SORCS2: variants seen among roughly 807,000 people sequenced by gnomAD.
SORCS2 encodes VPS10 domain-containing receptor SorCS2.
SORCS2 carries 100 observed loss-of-function variants against 141.6 expected under a neutral mutation model. The observed-to-expected ratio is 0.71, with a 90% CI of 0.60 to 0.83. The LOEUF (loss-of-function observed/expected upper bound fraction) is 0.83, where lower values mean the gene tolerates loss of function less well. SORCS2 is among the 40% of genes least tolerant of loss of function. The probability of loss-of-function intolerance (pLI) is 0.00; values close to 1 mark genes in which losing one functional copy is unlikely to be tolerated. For missense variants in SORCS2, 1,646 were observed against 1,560.2 expected, an observed-to-expected ratio of 1.05 and a Z score of -0.93; for synonymous variants, 789 against 676.9, an observed-to-expected ratio of 1.17 and a Z score of -2.57.
intron 2 of SORCS2, among the ~76,000 whole-genome samples, chr4:7,451,183 C>T (rs750675833): frequency 4.6e-5 from 7 of 151,996 alleles, no homozygotes; most frequent in South Asian, 4.2e-4. Flanking sequence ...TGAATAAATG[C>T]GTGAATGAAT....
chr4:7,637,360 T>C (rs994414975), intron 3 of SORCS2, among the ~76,000 whole-genome samples: 1 of 152,182 alleles, frequency 6.6e-6, no homozygotes, highest in Non-Finnish European at 1.5e-5. Context: ...CGTTCTCCTC[T>C]GCTGAAGGTA....
At chr4:7,503,354 A>G (rs189606544) in intron 2 of SORCS2, among the ~76,000 whole-genome samples, 1 of 152,332 alleles carries the variant, frequency 6.6e-6, no homozygotes, top group African/African-American at 2.4e-5. Flanking sequence ...TTTGTCTCCC[A>G]GAAGTTTGAG....
At chr4:7,642,987 A>G (rs994862816) in intron 4 of SORCS2, among the ~76,000 whole-genome samples, 1 of 152,168 alleles carries the variant, frequency 6.6e-6, no homozygotes, top group Admixed American at 6.5e-5. Flanking sequence ...AGTGGACACA[A>G]TTGCCCTGCT....
intron 5 of SORCS2, among the ~76,000 whole-genome samples, chr4:7,658,402 G>T (rs115095910): frequency 1.4e-4 from 22 of 152,296 alleles, no homozygotes; most frequent in Admixed American, 3.9e-4. Context: ...GATGATGGAT[G>T]ATGAGGCTAA....
chr4:7,600,014 G>C (rs10012331), intron 3 of SORCS2, among the ~76,000 whole-genome samples: 3,278 of 151,902 alleles, frequency 0.022, 134 homozygotes, highest in African/African-American at 0.074. Context: ...TAGAGACAGG[G>C]TTTCATCATG....
intron 3 of SORCS2, among the ~76,000 whole-genome samples, chr4:7,536,394 A>G (rs1712127821): frequency 6.6e-6 from 1 of 152,252 alleles, no homozygotes; most frequent in South Asian, 2.1e-4. Context: ...TAGATGCTGA[A>G]AAGCCATAGT....
chr4:7,446,825 G>T (rs957382129), intron 2 of SORCS2, among the ~76,000 whole-genome samples: 2 of 152,242 alleles, frequency 1.3e-5, no homozygotes, highest in African/African-American at 4.8e-5. Context: ...GATAGGACCT[G>T]TGTCCTTCCT....
chr4:7,625,395 G>C (rs1413978689), intron 3 of SORCS2, among the ~76,000 whole-genome samples: 1 of 152,082 alleles, frequency 6.6e-6, no homozygotes, highest in Non-Finnish European at 1.5e-5. Context: ...GTAAAAGAGA[G>C]ACAAGAACAT....
chr4:7,531,775 C>T, intron 3 of SORCS2, 146 bp downstream of exon 3: 1 of 778,116 alleles, frequency 1.3e-6, no homozygotes, highest in South Asian at 1.7e-5. Flanking sequence ...GCTCTCACTG[C>T]CACCCTTCCC....
intron 2 of SORCS2, among the ~76,000 whole-genome samples, chr4:7,459,144 G>A (rs1729126522): frequency 6.6e-6 from 1 of 152,112 alleles, no homozygotes; most frequent in South Asian, 2.1e-4. Flanking sequence ...AGACCGTGTG[G>A]CTTTGGACTC....
intron 3 of SORCS2, among the ~76,000 whole-genome samples, chr4:7,591,653 G>A (rs1260860229): frequency 6.6e-6 from 1 of 152,226 alleles, no homozygotes; most frequent in Non-Finnish European, 1.5e-5. Flanking sequence ...CGGCTCACGA[G>A]GATTAACGAT....
At chr4:7,485,963 G>A (rs1351026107) in intron 2 of SORCS2, among the ~76,000 whole-genome samples, 1 of 152,182 alleles carries the variant, frequency 6.6e-6, no homozygotes, top group Admixed American at 6.5e-5. Context: ...CGGGCTGGGG[G>A]CACCCCATGC....
At position 7,638,427 on chromosome 4, in the gene SORCS2, G is replaced by C. The variant is rs779008169; in HGVS notation, c.748G>C (p.Val250Leu). 6.2e-7 allele frequency: 1 copy of C among 1,606,058 alleles called. No individual in the cohort carries two copies. The highest frequency in any genetic ancestry group is 8.5e-7 in the Non-Finnish European group (1 of 1,176,832). ...TFQKQPIPFF[V>L]ETLIFHPKEE... The stretch of plus-strand genomic sequence containing the variant: ...TCAGAAGCAGCCCATTCCCTTCTTC[G>C]TGGAAACTCTGATTTTCCACCCTAA... The change falls in exon 4 of 27, where the codon GTG (valine) becomes CTG (leucine). Residue 250 changes from valine to leucine, a missense_variant. Transcript: ENST00000507866.
chr4:7,710,608 G>A (rs912973780), intron 14 of SORCS2, among the ~76,000 whole-genome samples: 3 of 152,340 alleles, frequency 2.0e-5, no homozygotes, highest in Non-Finnish European at 4.4e-5. Flanking sequence ...CCAGTGTGTT[G>A]AGTTGGGGCT....
At chr4:7,708,841 C>G (rs1163346791) in intron 14 of SORCS2, among the ~76,000 whole-genome samples, 1 of 152,212 alleles carries the variant, frequency 6.6e-6, no homozygotes, top group Non-Finnish European at 1.5e-5. Context: ...GATGGGGACC[C>G]TGGGAGCCTG....
intron 2 of SORCS2, among the ~76,000 whole-genome samples, chr4:7,440,622 G>T (rs77375122): frequency 0.021 from 3,251 of 152,300 alleles, 89 homozygotes; most frequent in African/African-American, 0.074. Context: ...GAACTTGGGG[G>T]CCTAGACAGC....
At chr4:7,609,141 G>C (rs1033639656) in intron 3 of SORCS2, among the ~76,000 whole-genome samples, 2 of 152,148 alleles carry the variant, frequency 1.3e-5, no homozygotes, top group South Asian at 2.1e-4. Flanking sequence ...CTCACTGGCT[G>C]TGTGGGCTTG....
chr4:7,313,812 G>A (rs1184442363), intron 1 of SORCS2, among the ~76,000 whole-genome samples: 1 of 152,152 alleles, frequency 6.6e-6, no homozygotes, highest in Non-Finnish European at 1.5e-5. Flanking sequence ...CCCCTGTGCT[G>A]TGAGATCAAA....
chr4:7,433,382 T>C (rs1264593084), intron 2 of SORCS2: 1 of 1,491,774 alleles, frequency 6.7e-7, no homozygotes, highest in East Asian at 2.3e-5. Flanking sequence ...TGCACAGCGT[T>C]GCACAGCTTG....
Sources: gnomAD v4.1 joint callset for allele counts (sites outside exome capture counted in the v4.1 genomes callset) on GRCh38, gnomAD v4.1.1 for gene constraint, MANE v1.5 for transcripts, NCBI Gene and HGNC (gene_info 2026-07-23, HGNC 2026-07-21) for gene names.